ZYG11B: variants seen among roughly 807,000 people sequenced by gnomAD.
ZYG11B encodes zyg-11 family member B, cell cycle regulator.
ZYG11B carries 36 observed loss-of-function variants against 82.4 expected under a neutral mutation model. That is an observed-to-expected ratio of 0.44 (90% CI 0.33 to 0.58). ZYG11B has a LOEUF of 0.58. Ranked by LOEUF, ZYG11B falls within the 20% of genes least tolerant of loss-of-function variation. ZYG11B has a pLI of 0.02. For synonymous variants in ZYG11B, 303 were observed against 312.8 expected, an observed-to-expected ratio of 0.97 and a Z score of 0.33; for missense variants, 552 against 895.6, an observed-to-expected ratio of 0.62 and a Z score of 4.90.
chr1:52,805,033 G>A, intron 10 of ZYG11B: 1 of 150,298 alleles, frequency 6.7e-6, no homozygotes, highest in South Asian at 2.1e-4. Context: ...GGGGGTTGCT[G>A]TGAGCCGAGA....
chr1:52,730,994 T>C (rs2003250), intron 1 of ZYG11B, among the ~76,000 whole-genome samples: 95,226 of 151,576 alleles, frequency 0.63, 31,885 homozygotes, highest in East Asian at 0.97. Context: ...CCAGATAGGC[T>C]GGGTGCAGTG....
intron 1 of ZYG11B, among the ~76,000 whole-genome samples, chr1:52,737,469 T>C (rs528176345): frequency 6.6e-6 from 1 of 152,266 alleles, no homozygotes; most frequent in East Asian, 1.9e-4. Flanking sequence ...TACTTATCAA[T>C]ATTGAACTGA....
chr1:52,734,777 G>A (rs549691866), intron 1 of ZYG11B, among the ~76,000 whole-genome samples: 2 of 152,082 alleles, frequency 1.3e-5, no homozygotes, highest in South Asian at 2.1e-4. Context: ...TGCCCAGGTT[G>A]GAGTGCAATG....
At chr1:52,808,098 C>T (rs1645155588) in intron 10 of ZYG11B, among the ~76,000 whole-genome samples, 1 of 152,180 alleles carries the variant, frequency 6.6e-6, no homozygotes, top group Non-Finnish European at 1.5e-5. Context: ...CACGGTGGCT[C>T]ACGCGTGGAA....
At chr1:52,742,384 C>T (rs1205561316) in intron 1 of ZYG11B, among the ~76,000 whole-genome samples, 6 of 151,690 alleles carry the variant, frequency 4.0e-5, no homozygotes, top group African/African-American at 1.5e-4. Flanking sequence ...CCTGGGAAGT[C>T]GAGGCTGCAG....
intron 2 of ZYG11B, among the ~76,000 whole-genome samples, chr1:52,759,876 G>C (rs1360919784): frequency 6.6e-6 from 1 of 152,106 alleles, no homozygotes; most frequent in Non-Finnish European, 1.5e-5. Flanking sequence ...TGTCACCCAG[G>C]CTGGAGTGCA....
rs1645099938 is a variant in ZYG11B at position 52,803,155 on chromosome 1, CACATATATATATACACACAT to C, written c.1695+1018_1695+1037del. On this transcript the variant is annotated intron_variant, in intron 10 of 13. Transcript: ENST00000294353. Reference sequence around the variant, plus strand: ...ATATACACACATATATATATATATACACATATATATATACACACATATATATATATATACACATATATATA... The same window carrying C: ...ATATACACACATATATATATATATACATATATATATATACACATATATATA... Among the ~76,000 whole-genome samples the C allele has an allele frequency of 6.2e-5, 3 of 48,188 alleles. 1 individual carries two copies. The highest frequency in any genetic ancestry group is 3.1e-4 in the African/African-American group (3 of 9,560). 31.6% of individuals were successfully genotyped at this position (48,188 alleles called of 152,430 possible). A position where few individuals can be genotyped will look rare whatever the true frequency, so the allele number is the denominator to read the frequency against.
rs764677663 is a variant in ZYG11B at position 52,821,493 on chromosome 1, A to G, written c.2099A>G (p.Asn700Ser). ...IEEGGLQHLYNIKDHEHTDPH... is the reference protein window; with the variant it reads ...IEEGGLQHLYSIKDHEHTDPH... ...GAAGGAGGATTGCAGCATTTATACA[A>G]CATCAAAGATCATGAACATACTGAT... The change falls in exon 14 of 14, where the codon AAC becomes AGC. Residue 700 changes from asparagine (N) to serine (S), a missense_variant. Around this residue, in one of 3 missense-constraint regions of ZYG11B, gnomAD observed 127 missense variants for 163.4 expected, o/e 0.78. Coordinates refer to ENST00000294353, the MANE Select transcript of ZYG11B (RefSeq NM_024646.3). 19 of 1,613,416 alleles carry G rather than the reference A, an allele frequency of 1.2e-5. No individual in the cohort carries two copies. The South Asian group carries it at 2.1e-4, about 18-fold the overall frequency.
intron 8 of ZYG11B, among the ~76,000 whole-genome samples, 191 bp downstream of exon 8, chr1:52,796,975 TA>T (rs1430888185): frequency 1.5e-5 from 1 of 66,070 alleles, no homozygotes; most frequent in African/African-American, 8.4e-5. Flanking sequence ...ATAATATATA[TA>T]AATATATATA....
intron 6 of ZYG11B, among the ~76,000 whole-genome samples, chr1:52,793,615 A>G (rs1178198438): frequency 1.3e-5 from 2 of 152,226 alleles, no homozygotes; most frequent in Admixed American, 1.3e-4. Context: ...TATTGTTATC[A>G]TTAACATTAA....
In ZYG11B at chr1:52,789,180, C is replaced by T. The variant is rs948902695; in HGVS notation, c.1270-823C>T. Among the ~76,000 whole-genome samples the T allele has an allele frequency of 2.6e-5, 4 of 152,204 alleles. No homozygotes were observed. In the South Asian group the frequency reaches 8.3e-4, roughly 32 times the overall value. On this transcript the variant is annotated intron_variant, in intron 5 of 13. Coordinates refer to ENST00000294353, the MANE Select transcript of ZYG11B (RefSeq NM_024646.3). ...CTTCTATTATGTAATCTTTCTGCAT[C>T]TTCCATGAAGCAAATAGGGTGTTCA...
chr1:52,776,229 A>AAAAAAAAAAAAATATAT, intron 3 of ZYG11B, among the ~76,000 whole-genome samples: 2 of 23,542 alleles, frequency 8.5e-5, no homozygotes, highest in Admixed American at 8.1e-4. Context: ...TAAAAAAAAA[A>AAAAAAAAAAAAATATAT]ATATATATAT....
intron 10 of ZYG11B, among the ~76,000 whole-genome samples, chr1:52,807,803 C>A (rs1268420854): frequency 3.9e-5 from 6 of 152,150 alleles, no homozygotes; most frequent in Non-Finnish European, 7.3e-5. Context: ...CATTTTTCTT[C>A]AACCTAAAAG....
At chr1:52,746,637 C>CTA (rs1644478209) in intron 1 of ZYG11B, among the ~76,000 whole-genome samples, 1 of 132,978 alleles carries the variant, frequency 7.5e-6, no homozygotes, top group African/African-American at 2.8e-5. Context: ...AGGTTTATAT[C>CTA]ATGTCCCAAA....
chr1:52,752,020 G>T (rs1644529900), intron 1 of ZYG11B, among the ~76,000 whole-genome samples: 1 of 151,456 alleles, frequency 6.6e-6, no homozygotes, highest in Non-Finnish European at 1.5e-5. Context: ...ACATCAATTG[G>T]GTGCCCTAAA....
chr1:52,799,488 A>G (rs574832817), intron 8 of ZYG11B, among the ~76,000 whole-genome samples: 2 of 149,416 alleles, frequency 1.3e-5, no homozygotes, highest in African/African-American at 4.9e-5. Flanking sequence ...CTCTGTCTCA[A>G]AAAAAAAAAA....
At chr1:52,817,351 T>C (rs1645233834) in intron 13 of ZYG11B, among the ~76,000 whole-genome samples, 1 of 152,186 alleles carries the variant, frequency 6.6e-6, no homozygotes, top group South Asian at 2.1e-4. Flanking sequence ...GCAAAGTGTT[T>C]GAATCAGGTT....
chr1:52,746,656 A>G (rs1311881271), intron 1 of ZYG11B, among the ~76,000 whole-genome samples: 2 of 127,956 alleles, frequency 1.6e-5, no homozygotes, highest in Non-Finnish European at 3.4e-5. Flanking sequence ...AAAAAACACT[A>G]TATTAACCAA....
chr1:52,821,532 A>G lies in ZYG11B; in HGVS notation c.2138A>G (p.Gln713Arg), dbSNP rs1305691530. Reference sequence around the variant, plus strand: ...GAACATACTGATCCCCATGTCCAACAGATTGCTGTGGCCATTCTGGATAGC... The same window carrying G: ...GAACATACTGATCCCCATGTCCAACGGATTGCTGTGGCCATTCTGGATAGC... Reference protein sequence around the residue: ...DHEHTDPHVQQIAVAILDSLE... With the variant: ...DHEHTDPHVQRIAVAILDSLE... The change falls in exon 14 of 14, where the codon CAG (glutamine) becomes CGG (arginine). Residue 713 changes from glutamine (Q) to arginine (R), a missense_variant. Gln to Arg is a conservative substitution (Grantham distance 43). This residue lies in a region of ZYG11B where 127 missense variants were observed against 163.4 expected (regional missense o/e 0.78). Transcript: ENST00000294353. The G allele has an allele frequency of 1.1e-5, 18 of 1,614,160 alleles. No homozygotes were observed. Among genetic ancestry groups the G allele is most frequent in the Non-Finnish European group, 1.5e-5 (18 of 1,180,008 alleles).
Sources: allele counts gnomAD v4.1 joint callset (sites outside exome capture counted in the v4.1 genomes callset), GRCh38; gene constraint gnomAD v4.1.1; regional missense constraint gnomAD v4.1.1; transcripts MANE v1.5; gene names NCBI Gene and HGNC (gene_info 2026-07-23, HGNC 2026-07-21).